The following CNST variants were observed in gnomAD, a reference collection of about 807,000 sequenced individuals.
CNST encodes the protein consortin.
A neutral mutation model predicts 72.4 loss-of-function variants in CNST; 39 were observed. That is an observed-to-expected ratio of 0.54 (90% CI 0.42 to 0.70). The LOEUF (loss-of-function observed/expected upper bound fraction) is 0.70. CNST is among the 30% of genes least tolerant of loss of function. The pLI is 0.00. For missense variants in CNST, 871 were observed against 868.5 expected, an observed-to-expected ratio of 1.00 and a Z score of -0.04; for synonymous variants, 332 against 320.1, an observed-to-expected ratio of 1.04 and a Z score of -0.40.
At chr1:246,631,873 T>C (rs759103598) in intron 3 of CNST, 21 bp from the exon 4 acceptor site, 4 of 1,452,810 alleles carry the variant, frequency 2.8e-6, no homozygotes, top group African/African-American at 1.4e-5. Context: ...ATTTTCTCTG[T>C]GTTTTCTTTG....
intron 2 of CNST, among the ~76,000 whole-genome samples, chr1:246,604,711 C>G (rs891819015): frequency 6.6e-6 from 1 of 152,124 alleles, no homozygotes; most frequent in Non-Finnish European, 1.5e-5. Flanking sequence ...CTGTATTGCT[C>G]ATGCTGGAGT....
intron 9 of CNST, among the ~76,000 whole-genome samples, chr1:246,653,700 C>T (rs1265570568): frequency 2.0e-5 from 3 of 152,208 alleles, no homozygotes; most frequent in African/African-American, 7.2e-5. Flanking sequence ...AGCCATGTCT[C>T]TTGCGCAAAG....
intron 2 of CNST, among the ~76,000 whole-genome samples, chr1:246,616,180 T>A (rs145196159): frequency 7.2e-4 from 109 of 152,304 alleles, no homozygotes; most frequent in African/African-American, 2.5e-3. Context: ...TTGTAGGGAA[T>A]TACATGGGGC....
At position 246,631,819 on chromosome 1, in the gene CNST, C is replaced by T; in HGVS notation, c.586-75C>T. ...TCAAAAACATTTGGAATTTCAAGATCTTAATTTGTTTCAAATTTATCTTCT... is the reference window on the plus strand; with the variant it reads ...TCAAAAACATTTGGAATTTCAAGATTTTAATTTGTTTCAAATTTATCTTCT... On this transcript the variant is annotated intron_variant, in intron 3 of 10. Transcript: ENST00000366513. The T allele has an allele frequency of 4.3e-6, 4 of 935,934 alleles. No homozygotes were observed. The South Asian group carries it at 5.6e-5, about 13-fold the overall frequency. The allele number at this position is 935,934 out of a possible 1,614,324, so 58.0% of individuals were successfully genotyped here.
intron 2 of CNST, chr1:246,606,926 C>T (rs1662883340): frequency 6.7e-6 from 1 of 149,320 alleles, no homozygotes; most frequent in African/African-American, 2.5e-5. Context: ...GCTGGTGTTC[C>T]TAGGATTGTC....
At chr1:246,620,977 G>A (rs1664054658) in intron 2 of CNST, among the ~76,000 whole-genome samples, 1 of 152,232 alleles carries the variant, frequency 6.6e-6, no homozygotes, top group African/African-American at 2.4e-5. Flanking sequence ...CTAGCTAAAG[G>A]TATGCACATA....
chr1:246,608,874 T>G (rs1262156737), intron 2 of CNST, among the ~76,000 whole-genome samples: 1 of 152,244 alleles, frequency 6.6e-6, no homozygotes, highest in Non-Finnish European at 1.5e-5. Flanking sequence ...AAGAATAGTG[T>G]CGCCATGTTG....
chr1:246,665,567 T>G (rs1667353911), intron 10 of CNST, 133 bp from the exon 11 acceptor site: 1 of 702,478 alleles, frequency 1.4e-6, no homozygotes, highest in African/African-American at 1.8e-5. Context: ...CAGCATGAGT[T>G]TTCTGTCAAT....
intron 3 of CNST, among the ~76,000 whole-genome samples, chr1:246,627,072 A>G (rs115069870): frequency 0.011 from 1,743 of 152,282 alleles, 39 homozygotes; most frequent in Non-Finnish European, 0.013. Flanking sequence ...GATACCATCA[A>G]ATCTCACCCA....
At chr1:246,639,504 G>C (rs574634761) in intron 6 of CNST, among the ~76,000 whole-genome samples, 39 of 152,222 alleles carry the variant, frequency 2.6e-4, no homozygotes, top group Non-Finnish European at 8.8e-5. Context: ...GGCCTAGGTA[G>C]GTGACTGAGG....
chr1:246,627,191 G>A (rs1381797208), intron 3 of CNST, among the ~76,000 whole-genome samples: 1 of 152,174 alleles, frequency 6.6e-6, no homozygotes, highest in Non-Finnish European at 1.5e-5. Context: ...TAAAACATAA[G>A]TCAGATCTTG....
rs575315799 is a variant in CNST, at chr1:246,664,693, TG to T, written c.1973-1004del. 4.2e-3 allele frequency among the ~76,000 whole-genome samples: 636 copies of T among 152,286 alleles called. 3 individuals are homozygous for T. The highest frequency in any genetic ancestry group is 8.6e-3 in the African/African-American group (359 of 41,556). ...CGCCCGCCTCAGCCTCCCAAAGTGCTGGGATTACAGGCGTGAGCCACCACAC... is the reference window on the plus strand; with the variant it reads ...CGCCCGCCTCAGCCTCCCAAAGTGCTGGATTACAGGCGTGAGCCACCACAC... On this transcript the variant is annotated intron_variant, in intron 10 of 10. Coordinates refer to ENST00000366513, the MANE Select transcript of CNST (RefSeq NM_152609.3).
intron 1 of CNST, among the ~76,000 whole-genome samples, chr1:246,585,690 C>CT (rs1661118576): frequency 6.9e-6 from 1 of 145,504 alleles, no homozygotes; most frequent in Non-Finnish European, 1.5e-5. Flanking sequence ...CACACACACA[C>CT]ACACACACAC....
chr1:246,616,389 C>T (rs892276175), intron 2 of CNST, among the ~76,000 whole-genome samples: 1 of 151,866 alleles, frequency 6.6e-6, no homozygotes, highest in Non-Finnish European at 1.5e-5. Context: ...CCCCCACTGC[C>T]CCCCCAGAAA....
intron 1 of CNST, among the ~76,000 whole-genome samples, chr1:246,580,961 G>C (rs1660743949): frequency 6.6e-6 from 1 of 151,852 alleles, no homozygotes; most frequent in Non-Finnish European, 1.5e-5. Flanking sequence ...CTGGTCTTGA[G>C]CTCCTGACCT....
At chr1:246,621,177 A>G (rs904199061) in intron 2 of CNST, among the ~76,000 whole-genome samples, 2 of 152,250 alleles carry the variant, frequency 1.3e-5, no homozygotes, top group African/African-American at 2.4e-5. Flanking sequence ...ACATTTGACT[A>G]GCCATTAGCT....
chr1:246,654,086 C>T (rs145214469), intron 9 of CNST, among the ~76,000 whole-genome samples: 82 of 152,276 alleles, frequency 5.4e-4, no homozygotes, highest in African/African-American at 1.6e-3. Flanking sequence ...TCCTTTCCCA[C>T]GGCTCTCTTT....
At chr1:246,601,148 A>G (rs1019233745) in intron 2 of CNST, among the ~76,000 whole-genome samples, 1 of 151,928 alleles carries the variant, frequency 6.6e-6, no homozygotes, top group Non-Finnish European at 1.5e-5. Context: ...TTTTCAAAAA[A>G]TAAAAAAAAT....
At chr1:246,652,882 T>C (rs1325480941) in intron 9 of CNST, among the ~76,000 whole-genome samples, 14 of 151,038 alleles carry the variant, frequency 9.3e-5, no homozygotes, top group South Asian at 8.4e-4. Flanking sequence ...CGGGCGCCTG[T>C]AGTCCCAGCT....
Sources: gnomAD v4.1 joint callset for allele counts (sites outside exome capture counted in the v4.1 genomes callset) on GRCh38, gnomAD v4.1.1 for gene constraint, MANE v1.5 for transcripts, NCBI Gene and HGNC (gene_info 2026-07-23, HGNC 2026-07-21) for gene names.